TUSC3: variants seen among roughly 807,000 people sequenced by gnomAD.
TUSC3 encodes dolichyl-diphosphooligosaccharide--protein glycosyltransferase subunit TUSC3.
Under a neutral mutation model 44.8 loss-of-function variants are expected in TUSC3, and 45 were observed. The observed-to-expected ratio is 1.00, with a 90% CI of 0.79 to 1.29. The LOEUF (loss-of-function observed/expected upper bound fraction) is 1.29, where lower values mean the gene tolerates loss of function less well. Among genes scored for constraint, TUSC3 ranks in the 50% most tolerant of loss-of-function variants. The pLI is 0.00. For synonymous variants in TUSC3, 212 were observed against 152.9 expected (o/e 1.39, Z -2.85); for missense variants, 519 against 437.9 (o/e 1.19, Z -1.65).
At chr8:15,600,062 C>G (rs997360668) in intron 1 of TUSC3, among the ~76,000 whole-genome samples, 2 of 151,668 alleles carry the variant, frequency 1.3e-5, no homozygotes, top group African/African-American at 4.8e-5. Context: ...ATTTTCTTGT[C>G]TTACTGCATT....
the TUSC3 span, among the ~76,000 whole-genome samples, chr8:15,773,610 G>C: frequency 0.028 from 4,330 of 152,134 alleles, 187 homozygotes; most frequent in African/African-American, 0.097. Flanking sequence ...AAATGCATGG[G>C]GTCCTGAATA....
intron 2 of TUSC3, among the ~76,000 whole-genome samples, chr8:15,529,195 A>G (rs143135389): frequency 1.3e-5 from 2 of 152,340 alleles, no homozygotes; most frequent in African/African-American, 4.8e-5. Context: ...CATGCTGTTC[A>G]GTACCATAAT....
chr8:15,593,176 T>G (rs1167205122), intron 1 of TUSC3, among the ~76,000 whole-genome samples: 3 of 152,062 alleles, frequency 2.0e-5, no homozygotes, highest in African/African-American at 4.8e-5. Flanking sequence ...GCCTCCGCCT[T>G]CTGGGTTCAA....
intron 1 of TUSC3, among the ~76,000 whole-genome samples, chr8:15,609,754 A>T (rs1393538487): frequency 4.0e-5 from 6 of 151,470 alleles, no homozygotes; most frequent in Admixed American, 6.6e-5. Context: ...ACAAACATTT[A>T]AAAAAAAACA....
At chr8:15,543,762 A>T (rs1410559504) in intron 1 of TUSC3, among the ~76,000 whole-genome samples, 1 of 151,348 alleles carries the variant, frequency 6.6e-6, no homozygotes, top group African/African-American at 2.4e-5. Context: ...TGCTAAAGAA[A>T]CTAACTTTAT....
chr8:15,774,429 A>C, the TUSC3 span, among the ~76,000 whole-genome samples: 1 of 152,242 alleles, frequency 6.6e-6, no homozygotes. Flanking sequence ...AAAACCATAT[A>C]AAGATGGATG....
intron 6 of TUSC3, among the ~76,000 whole-genome samples, chr8:15,725,691 T>C (rs531063062): frequency 1.3e-5 from 2 of 152,310 alleles, no homozygotes; most frequent in African/African-American, 2.4e-5. Flanking sequence ...ACATGTATTA[T>C]CAATTCACTT....
At chr8:15,830,072 G>C in the TUSC3 span, among the ~76,000 whole-genome samples, 1 of 151,876 alleles carries the variant, frequency 6.6e-6, no homozygotes. Flanking sequence ...TTTAATGTTT[G>C]TTGGCTGCTC....
intron 1 of TUSC3, among the ~76,000 whole-genome samples, chr8:15,602,220 T>G (rs1028234040): frequency 6.6e-6 from 1 of 151,696 alleles, no homozygotes; most frequent in Non-Finnish European, 1.5e-5. Flanking sequence ...TGAGGGATAC[T>G]CAGCCTATAT....
chr8:15,447,385 A>T lies in TUSC3; in HGVS notation n.91+30080A>T, dbSNP rs1800120687. ...AATTAAAAATAAATGAAAGCACATGAATGAGGAAGATGTGACATTAATGGA... is the reference window on the plus strand; with the variant it reads ...AATTAAAAATAAATGAAAGCACATGTATGAGGAAGATGTGACATTAATGGA... On this transcript the variant is annotated intron_variant and non_coding_transcript_variant, in intron 1 of 5. Transcript: ENST00000503191. Among the ~76,000 whole-genome samples, 3 of 152,154 alleles carry T rather than the reference A, an allele frequency of 2.0e-5. No homozygotes were observed. The South Asian group carries it at 6.2e-4, about 31-fold the overall frequency.
intron 1 of TUSC3, among the ~76,000 whole-genome samples, chr8:15,562,992 T>C (rs985507942): frequency 6.9e-6 from 1 of 145,028 alleles, no homozygotes; most frequent in African/African-American, 2.5e-5. Flanking sequence ...GTCTTGTCCA[T>C]GCCCAGGGGA....
At chr8:15,714,858 A>G (rs1438937513) in intron 6 of TUSC3, among the ~76,000 whole-genome samples, 2 of 152,176 alleles carry the variant, frequency 1.3e-5, no homozygotes, top group African/African-American at 4.8e-5. Flanking sequence ...AGATACTCAG[A>G]ACTGAATTTT....
At chr8:15,849,779 T>C in the TUSC3 span, among the ~76,000 whole-genome samples, 1 of 149,640 alleles carries the variant, frequency 6.7e-6, no homozygotes, top group East Asian at 2.0e-4. Flanking sequence ...ACTGTTCCGA[T>C]TTTATGGCCT....
At chr8:15,697,220 C>G (rs1418660384) in intron 6 of TUSC3, among the ~76,000 whole-genome samples, 1 of 152,088 alleles carries the variant, frequency 6.6e-6, no homozygotes, top group Non-Finnish European at 1.5e-5. Context: ...TTTATATTTT[C>G]AAAGAACCAG....
chr8:15,465,765 A>G (rs1179872395), intron 1 of TUSC3, among the ~76,000 whole-genome samples: 1 of 152,154 alleles, frequency 6.6e-6, no homozygotes, highest in African/African-American at 2.4e-5. Context: ...TGAATTAGTT[A>G]CTTCTCTGCA....
At chr8:15,790,203 T>TC in the TUSC3 span, among the ~76,000 whole-genome samples, 1 of 145,776 alleles carries the variant, frequency 6.9e-6, no homozygotes, top group African/African-American at 2.6e-5. Flanking sequence ...TTTTTTTTTT[T>TC]TGAGATGGAG....
the TUSC3 span, among the ~76,000 whole-genome samples, chr8:15,786,941 CAAAAA>C: frequency 1.6e-4 from 10 of 63,374 alleles, no homozygotes; most frequent in African/African-American, 4.5e-4. Flanking sequence ...GAGACTCCAT[CAAAAA>C]AAAAAAAAAA....
At chr8:15,682,709 A>AT (rs1808474704) in intron 6 of TUSC3, among the ~76,000 whole-genome samples, 1 of 151,340 alleles carries the variant, frequency 6.6e-6, no homozygotes, top group Non-Finnish European at 1.5e-5. Flanking sequence ...GTTAACTTTT[A>AT]TTCTTGATTG....
chr8:15,566,473 T>C (rs1293195252), intron 1 of TUSC3, among the ~76,000 whole-genome samples: 2 of 152,132 alleles, frequency 1.3e-5, no homozygotes, highest in African/African-American at 4.8e-5. Flanking sequence ...TTTTGTCACA[T>C]GGTAACAGCT....
Sources: gnomAD v4.1 joint callset for allele counts (sites outside exome capture counted in the v4.1 genomes callset) on GRCh38, gnomAD v4.1.1 for gene constraint, MANE v1.5 for transcripts, NCBI Gene and HGNC (gene_info 2026-07-23, HGNC 2026-07-21) for gene names.